Variants in SCAI observed in about 807,000 individuals in gnomAD.
SCAI encodes the protein protein SCAI.
In SCAI, 24 loss-of-function variants were observed where a neutral mutation model predicts 92.2. The ratio of observed to expected loss-of-function variants is 0.26; its 90% confidence interval spans 0.19 to 0.37. The LOEUF is 0.37. Ranked by LOEUF, SCAI falls within the 10% of genes least tolerant of loss-of-function variation. The pLI is 1.00. For synonymous variants in SCAI, 261 were observed against 258.6 expected (o/e 1.01, Z -0.09); for missense variants, 450 against 736.2 (o/e 0.61, Z 4.50).
chr9:124,952,982 T>C, intron 17 of SCAI, 29 bp from the exon 18 acceptor site: 1 of 1,606,660 alleles, frequency 6.2e-7, no homozygotes, highest in Non-Finnish European at 8.5e-7. Flanking sequence ...AAAAGTCAAG[T>C]TTTGTAGTCT....
At chr9:125,063,103 C>CA (rs1564398184) in intron 2 of SCAI, among the ~76,000 whole-genome samples, 2 of 82,072 alleles carry the variant, frequency 2.4e-5, no homozygotes, top group Non-Finnish European at 5.9e-5. Flanking sequence ...TAACCCCCCA[C>CA]CCCCCCCAGA....
At chr9:125,126,589 T>TGTGTGTGTGTGTGA (rs10680873) in intron 2 of SCAI, among the ~76,000 whole-genome samples, 6 of 143,152 alleles carry the variant, frequency 4.2e-5, no homozygotes, top group African/African-American at 8.1e-5. Context: ...TGTGTGTGTG[T>TGTGTGTGTGTGTGA]GAGAGAGAGA....
chr9:125,003,748 G>A, intron 9 of SCAI, 178 bp from the exon 10 acceptor site: 3 of 587,062 alleles, frequency 5.1e-6, no homozygotes, highest in Admixed American at 3.1e-5. Flanking sequence ...GAATTCTACA[G>A]TGACATCCAT....
intron 2 of SCAI, among the ~76,000 whole-genome samples, chr9:125,089,383 T>C (rs1834383860): frequency 6.6e-6 from 1 of 152,186 alleles, no homozygotes; most frequent in Non-Finnish European, 1.5e-5. Context: ...TACAATTCAA[T>C]CTTCTTAAAA....
chr9:124,965,930 C>G (rs1831530546), intron 17 of SCAI, among the ~76,000 whole-genome samples: 1 of 152,088 alleles, frequency 6.6e-6, no homozygotes, highest in Non-Finnish European at 1.5e-5. Context: ...TATTACAATA[C>G]ACAATTTACT....
At chr9:125,029,520 C>T (rs960970697) in intron 4 of SCAI, 124 bp downstream of exon 4, 1 of 516,304 alleles carries the variant, frequency 1.9e-6, no homozygotes, top group Non-Finnish European at 3.4e-6. Flanking sequence ...CAAGATTTAC[C>T]TTTGCTTTGT....
rs199538830 is a variant in SCAI, at chr9:125,046,339, A to ATGTGTG, written c.230+9536_230+9537insCACACA. Among the ~76,000 whole-genome samples the ATGTGTG allele has an allele frequency of 2.1e-4, 5 of 24,096 alleles. 1 individual carries two copies. The highest frequency in any genetic ancestry group is 2.1e-3 in the Admixed American group (4 of 1,932). 15.8% of individuals were successfully genotyped at this position (24,096 alleles called of 152,430 possible). A position where few individuals can be genotyped will look rare whatever the true frequency, so the allele number is the denominator to read the frequency against. The stretch of plus-strand genomic sequence containing the variant: ...TATACACACACACACACACATATAT[A>ATGTGTG]TATGTGTGTGTGTGTATATATATAT... On this transcript the variant is annotated intron_variant, in intron 3 of 17. Coordinates refer to ENST00000336505, the MANE Select transcript of SCAI (RefSeq NM_001144877.3).
chr9:125,013,559 G>C (rs978474175), intron 9 of SCAI, among the ~76,000 whole-genome samples: 2 of 152,164 alleles, frequency 1.3e-5, no homozygotes, highest in African/African-American at 4.8e-5. Context: ...ACCAAAAAGA[G>C]TCCAGGACCA....
At chr9:125,042,337 T>C (rs1833331591) in intron 3 of SCAI, among the ~76,000 whole-genome samples, 1 of 152,076 alleles carries the variant, frequency 6.6e-6, no homozygotes, top group Non-Finnish European at 1.5e-5. Context: ...GTTTCAAATA[T>C]AACGTTGAGA....
At chr9:125,130,652 T>G (rs1835378821) in intron 2 of SCAI, among the ~76,000 whole-genome samples, 1 of 151,774 alleles carries the variant, frequency 6.6e-6, no homozygotes, top group South Asian at 2.1e-4. Context: ...TAGCTAGGAC[T>G]ACAGCTGCAC....
At chr9:125,134,718 C>G (rs1023765253) in intron 2 of SCAI, among the ~76,000 whole-genome samples, 1 of 152,184 alleles carries the variant, frequency 6.6e-6, no homozygotes, top group Admixed American at 6.5e-5. Flanking sequence ...CTCTTGTTGC[C>G]CAGGCTAGAG....
At chr9:125,030,804 A>G (rs1159734222) in intron 3 of SCAI, among the ~76,000 whole-genome samples, 3 of 152,236 alleles carry the variant, frequency 2.0e-5, no homozygotes, top group African/African-American at 7.2e-5. Flanking sequence ...TATTAGCTAC[A>G]CTTAAAATAC....
intron 2 of SCAI, among the ~76,000 whole-genome samples, chr9:125,108,427 G>A (rs1485612513): frequency 2.6e-5 from 4 of 151,654 alleles, no homozygotes; most frequent in Admixed American, 2.6e-4. Context: ...AGGAAGTGAG[G>A]AGCGTCTCTG....
intron 14 of SCAI, among the ~76,000 whole-genome samples, chr9:124,993,522 G>A (rs781195973): frequency 7.2e-5 from 11 of 152,134 alleles, no homozygotes; most frequent in Non-Finnish European, 8.8e-5. Context: ...CCTGGGAGGC[G>A]GAGGTTGCAG....
intron 17 of SCAI, among the ~76,000 whole-genome samples, chr9:124,954,579 T>C (rs1308510524): frequency 6.6e-6 from 1 of 152,236 alleles, no homozygotes; most frequent in Non-Finnish European, 1.5e-5. Context: ...GCACCTTGTA[T>C]TTTTTTAGTA....
rs763948902 is a variant in SCAI at position 124,976,137 on chromosome 9, G to A, written c.1376C>T (p.Thr459Ile). The A allele has an allele frequency of 2.5e-6, 4 of 1,612,036 alleles. No homozygotes were observed. Among genetic ancestry groups the A allele is most frequent in the Admixed American group, 1.7e-5 (1 of 60,004 alleles). The change falls in exon 15 of 18, where the codon ACA (threonine) becomes ATA (isoleucine). Residue 459 changes from threonine to isoleucine, a missense_variant. Physicochemically the swap from Thr to Ile is moderately conservative, Grantham distance 89. This residue lies in a region of SCAI where 360 missense variants were observed against 601.8 expected (regional missense o/e 0.60). Coordinates refer to ENST00000336505, the MANE Select transcript of SCAI (RefSeq NM_001144877.3). ...GQPLVCLLSP[T>I]AYPKALQDQS... Reference sequence around the variant, plus strand: ...ACCTTGTAAAGCTTTTGGATATGCTGTAGGAGAAAGCAAGCAGACTAGTGG... The same window carrying A: ...ACCTTGTAAAGCTTTTGGATATGCTATAGGAGAAAGCAAGCAGACTAGTGG...
intron 2 of SCAI, among the ~76,000 whole-genome samples, chr9:125,069,699 C>T (rs2131159848): frequency 6.9e-6 from 1 of 145,490 alleles, no homozygotes; most frequent in African/African-American, 2.6e-5. Context: ...TCTTGGCTCA[C>T]TGCAACCTCC....
At chr9:124,957,521 C>T (rs1416021447) in intron 17 of SCAI, among the ~76,000 whole-genome samples, 1 of 122,196 alleles carries the variant, frequency 8.2e-6, no homozygotes, top group African/African-American at 3.4e-5. Flanking sequence ...CGCCACCACA[C>T]CCGGCTAATT....
At chr9:125,090,828 G>A (rs1036278290) in intron 2 of SCAI, among the ~76,000 whole-genome samples, 9 of 152,084 alleles carry the variant, frequency 5.9e-5, no homozygotes, top group African/African-American at 2.2e-4. Context: ...AAATGAGAAA[G>A]GATAGGTTAG....
Sources: allele counts gnomAD v4.1 joint callset (sites outside exome capture counted in the v4.1 genomes callset), GRCh38; gene constraint gnomAD v4.1.1; regional missense constraint gnomAD v4.1.1; transcripts MANE v1.5; gene names NCBI Gene and HGNC (gene_info 2026-07-23, HGNC 2026-07-21).